Variants in CD300LD observed in about 807,000 individuals in gnomAD.
The protein encoded by CD300LD is CMRF35-like molecule 5.
A neutral mutation model predicts 20.3 loss-of-function variants in CD300LD; 18 were observed. The ratio of observed to expected loss-of-function variants is 0.89; its 90% CI spans 0.61 to 1.32. CD300LD has a LOEUF of 1.32. CD300LD is among the 40% of genes most tolerant of loss of function. The pLI, the probability that CD300LD is intolerant of heterozygous loss-of-function variation, is 0.00. For synonymous variants in CD300LD, 104 were observed against 90.1 expected (o/e 1.15, Z -0.87); for missense variants, 195 against 226.6 (o/e 0.86, Z 0.90).
At position 74,587,852 on chromosome 17, in the gene CD300LD, A is replaced by G. The variant is rs969034539; in HGVS notation, c.379+659T>C. Among the ~76,000 whole-genome samples, 11 of 131,240 alleles carry G rather than the reference A, an allele frequency of 8.4e-5. No homozygotes were observed. The East Asian group carries it at 3.0e-3, about 36-fold the overall frequency. 86.1% of individuals were successfully genotyped at this position (131,240 alleles called of 152,430 possible). A position where few individuals can be genotyped will look rare whatever the true frequency, so the allele number is the denominator to read the frequency against. On this transcript the variant is annotated intron_variant, in intron 2 of 3. Transcript: ENST00000375352. ...GACTCAGGCACTGAGCTGTGCAGAG[A>G]AAAAAAAAATGTGCCTAGAAAGACT...
rs753724749 is a variant in CD300LD, at chr17:74,588,797, C to G, written c.93G>C (p.Glu31Asp). Residue 31 changes from glutamate (E) to aspartate (D), a missense_variant, in exon 2 of 4, where the codon GAG becomes GAC. Transcript: ENST00000375352. The stretch of plus-strand genomic sequence containing the variant: ...CACACTGCACAGTCAATGAGCCCTG[C>G]TCCGAGCCATTCACTGTTGTTGGAC... ...ITGPTTVNGS[E>D]QGSLTVQCAY... The G allele has an allele frequency of 6.2e-7, 1 of 1,614,042 alleles. No individual in the cohort carries two copies. The highest frequency in any genetic ancestry group is 8.5e-7 in the Non-Finnish European group (1 of 1,179,904).
At chr17:74,590,218 T>A (rs993629433) in intron 1 of CD300LD, among the ~76,000 whole-genome samples, 2 of 152,134 alleles carry the variant, frequency 1.3e-5, no homozygotes, top group Admixed American at 6.5e-5. Flanking sequence ...ATTCTCTCTC[T>A]TGCCTGCTGC....
intron 2 of CD300LD, 35 bp downstream of exon 2, chr17:74,588,476 C>G: frequency 7.1e-7 from 1 of 1,417,004 alleles, no homozygotes; most frequent in Non-Finnish European, 9.8e-7. Flanking sequence ...AGAGCAGGAC[C>G]TGAGAGACAC....
intron 2 of CD300LD, among the ~76,000 whole-genome samples, chr17:74,586,072 C>T (rs746548888): frequency 6.6e-6 from 1 of 152,104 alleles, no homozygotes; most frequent in Admixed American, 6.5e-5. Context: ...TTACAAGAGG[C>T]GGTGAAGCAT....
chr17:74,588,094 G>A (rs1195960350), intron 2 of CD300LD, among the ~76,000 whole-genome samples: 1 of 152,206 alleles, frequency 6.6e-6, no homozygotes, highest in South Asian at 2.1e-4. Flanking sequence ...CATCTTGTGA[G>A]GGCCTTCTTG....
At chr17:74,586,327 G>A (rs2030157424) in intron 2 of CD300LD, among the ~76,000 whole-genome samples, 1 of 152,178 alleles carries the variant, frequency 6.6e-6, no homozygotes, top group African/African-American at 2.4e-5. Flanking sequence ...ATGGGAAAAT[G>A]TTATAATTGT....
chr17:74,588,807 T>G lies in CD300LD; in HGVS notation c.83A>C (p.Asn28Thr). Residue 28 changes from asparagine (N) to threonine (T), a missense_variant, in exon 2 of 4, where the codon AAT (asparagine) becomes ACT (threonine). By Grantham distance (65) the Asn-to-Thr change is moderately conservative. Coordinates refer to ENST00000375352, the MANE Select transcript of CD300LD (RefSeq NM_001115152.2). ...AGTCAATGAGCCCTGCTCCGAGCCA[T>G]TCACTGTTGTTGGACCAGTGATTTT... is the stretch of plus-strand genomic sequence containing the variant. ...AAKITGPTTV[N>T]GSEQGSLTVQ... The G allele has an allele frequency of 2.5e-6, 4 of 1,613,528 alleles. No individual in the cohort carries two copies. Among genetic ancestry groups the G allele is most frequent in the Non-Finnish European group, 3.4e-6 (4 of 1,179,482 alleles).
chr17:74,591,023 C>G (rs1268229115), intron 1 of CD300LD, among the ~76,000 whole-genome samples: 4 of 151,870 alleles, frequency 2.6e-5, no homozygotes, highest in South Asian at 2.1e-4. Flanking sequence ...TGCAGTGAAC[C>G]CTGATCCCAG....
chr17:74,582,292 T>G lies in CD300LD; in HGVS notation c.399A>C (p.Ser133=). 1.2e-6 allele frequency: 2 copies of G among 1,613,714 alleles called. No homozygotes were observed. The highest frequency in any genetic ancestry group is 3.3e-5 in the Admixed American group (2 of 60,016). ...TINPGTQTAV[S]EWTTTTASLA... ...GGCTTGCTGTTGTGGTTGTCCATTCTGAGACTGCAGTTTGTGTGCCTAAAC... is the reference window on the plus strand; with the variant it reads ...GGCTTGCTGTTGTGGTTGTCCATTCGGAGACTGCAGTTTGTGTGCCTAAAC... The change falls in exon 3 of 4, where the codon TCA becomes TCC. Residue 133 remains serine (S), a synonymous_variant. Coordinates refer to ENST00000375352, the MANE Select transcript of CD300LD (RefSeq NM_001115152.2).
At chr17:74,586,546 T>C (rs783246) in intron 2 of CD300LD, among the ~76,000 whole-genome samples, 1,678 of 152,228 alleles carry the variant, frequency 0.011, 34 homozygotes, top group African/African-American at 0.037. Context: ...CCGGGCCCTA[T>C]AAACAATGGA....
At chr17:74,586,947 C>T (rs530288770) in intron 2 of CD300LD, among the ~76,000 whole-genome samples, 2 of 152,162 alleles carry the variant, frequency 1.3e-5, no homozygotes, top group African/African-American at 4.8e-5. Flanking sequence ...GTTGGGAGTT[C>T]GAGACCAGCC....
At chr17:74,588,994 C>A in intron 1 of CD300LD, 145 bp from the exon 2 acceptor site, 1 of 603,946 alleles carries the variant, frequency 1.7e-6, no homozygotes, top group Non-Finnish European at 2.9e-6. Flanking sequence ...CTTTGTCCTT[C>A]AAAATTCCAC....
chr17:74,586,028 T>C (rs548921584), intron 2 of CD300LD, among the ~76,000 whole-genome samples: 9 of 152,280 alleles, frequency 5.9e-5, no homozygotes, highest in African/African-American at 2.2e-4. Flanking sequence ...TTACATATCA[T>C]GTAAGGGTGG....
rs1288463068 is a variant in CD300LD at position 74,591,267 on chromosome 17, A to AT, written c.40+895_40+896insA. 5.4e-4 allele frequency among the ~76,000 whole-genome samples: 68 copies of AT among 125,108 alleles called. 1 individual carries two copies. The highest frequency in any genetic ancestry group is 1.5e-3 in the South Asian group (6 of 3,950). 82.1% of individuals were successfully genotyped at this position (125,108 alleles called of 152,430 possible). A position where few individuals can be genotyped will look rare whatever the true frequency, so the allele number is the denominator to read the frequency against. On this transcript the variant is annotated intron_variant, in intron 1 of 3. Coordinates refer to ENST00000375352, the MANE Select transcript of CD300LD (RefSeq NM_001115152.2). ...CATCTCTACAAAAAAAAAAAAAATA[A>AT]AAATAATAATAATAATAATAATAAT... is the stretch of plus-strand genomic sequence containing the variant.
chr17:74,580,272 C>T (rs1247615009), intron 3 of CD300LD, among the ~76,000 whole-genome samples, 159 bp from the exon 4 acceptor site: 1 of 152,188 alleles, frequency 6.6e-6, no homozygotes, highest in Non-Finnish European at 1.5e-5. Context: ...TCACACTGCT[C>T]ACCAGCGAGG....
chr17:74,588,872 T>C (rs771577718), intron 1 of CD300LD, 23 bp from the exon 2 acceptor site: 1 of 1,565,426 alleles, frequency 6.4e-7, no homozygotes, highest in South Asian at 1.1e-5. Flanking sequence ...AATTCATGTG[T>C]CGTCACCTCC....
In CD300LD at chr17:74,592,156, C is replaced by T; in HGVS notation, c.40+7G>A. The T allele has an allele frequency of 1.2e-6, 2 of 1,614,228 alleles. No homozygotes were observed. Among genetic ancestry groups the T allele is most frequent in the South Asian group, 1.1e-5 (1 of 91,086 alleles). ...TTCCAGTGCCTTAAAGCTCCAGCCA[C>T]ACTCACCTGGGAGGATGAGAAGCAG... On this transcript the variant is annotated splice_region_variant and intron_variant, in intron 1 of 3. Transcript: ENST00000375352.
At position 74,580,416 on chromosome 17, in the gene CD300LD, G is replaced by C. The variant is rs561767454; in HGVS notation, c.474-303C>G. Reference sequence around the variant, plus strand: ...ATCTTGAAGGGGTTTAGCATTCCCTGTCTCTACTTACCTCGGCTTCTGCTG... The same window carrying C: ...ATCTTGAAGGGGTTTAGCATTCCCTCTCTCTACTTACCTCGGCTTCTGCTG... On this transcript the variant is annotated intron_variant, in intron 3 of 3. Transcript: ENST00000375352. 3.3e-5 allele frequency among the ~76,000 whole-genome samples: 5 copies of C among 152,312 alleles called. No homozygotes were observed. In the East Asian group the frequency reaches 7.7e-4, roughly 23 times the overall value.
chr17:74,588,448 G>A (rs772201246), intron 2 of CD300LD, 63 bp downstream of exon 2: 22 of 1,047,420 alleles, frequency 2.1e-5, no homozygotes, highest in Non-Finnish European at 3.0e-5. Flanking sequence ...ACTCAAGTGG[G>A]ACCTCAGGGA....
Sources: allele counts gnomAD v4.1 joint callset (sites outside exome capture counted in the v4.1 genomes callset), GRCh38; gene constraint gnomAD v4.1.1; transcripts MANE v1.5; gene names NCBI Gene and HGNC (gene_info 2026-07-23, HGNC 2026-07-21).